NPHP1: variants seen among roughly 807,000 people sequenced by gnomAD.
NPHP1 encodes nephrocystin-1.
Under a neutral mutation model 90.4 loss-of-function variants are expected in NPHP1, and 70 were observed. The ratio of observed to expected loss-of-function variants is 0.77; its 90% CI spans 0.64 to 0.95. NPHP1 has a LOEUF of 0.95. Ranked by LOEUF, NPHP1 falls within the 40% of genes least tolerant of loss-of-function variation. NPHP1 has a pLI of 0.00. For missense variants in NPHP1, 764 were observed against 795.9 expected, an observed-to-expected ratio of 0.96 and a Z score of 0.48; for synonymous variants, 256 against 271.7, an observed-to-expected ratio of 0.94 and a Z score of 0.57.
chr2:110,157,067 G>A (rs1270656623), intron 11 of NPHP1, among the ~76,000 whole-genome samples: 3 of 151,944 alleles, frequency 2.0e-5, no homozygotes, highest in South Asian at 2.1e-4. Context: ...GAGCCACTGC[G>A]CCCAGCCCAA....
intron 2 of NPHP1, among the ~76,000 whole-genome samples, chr2:110,196,543 TAC>T (rs1559107331): frequency 6.6e-6 from 1 of 152,184 alleles, no homozygotes; most frequent in African/African-American, 2.4e-5. Context: ...AGGAAACTTT[TAC>T]ACTGTTGGTG....
intron 11 of NPHP1, among the ~76,000 whole-genome samples, chr2:110,157,603 C>T (rs1158928725): frequency 1.3e-5 from 2 of 152,064 alleles, no homozygotes; most frequent in African/African-American, 2.4e-5. Flanking sequence ...CATCCAGATG[C>T]GGAAGTCAGA....
intron 4 of NPHP1, 67 bp from the exon 5 acceptor site, chr2:110,170,065 A>G: frequency 6.3e-7 from 1 of 1,586,892 alleles, no homozygotes; most frequent in East Asian, 2.2e-5. Context: ...CTATGAGTGT[A>G]ACTTCTACAT....
rs757905613 is a variant in NPHP1 at position 110,204,974 on chromosome 2, T to C, written c.-6A>G. On this transcript the variant is annotated 5_prime_UTR_variant, in exon 1 of 20. Coordinates refer to ENST00000445609, the MANE Select transcript of NPHP1 (RefSeq NM_001128178.3). ...CGCTGTCGTCTCGCCAGCATCTCCC[T>C]GGCTGCGGTGCTCTGATTGCTCCAG... The C allele has an allele frequency of 1.2e-6, 2 of 1,613,856 alleles. No homozygotes were observed. The highest frequency in any genetic ancestry group is 4.5e-5 in the East Asian group (2 of 44,862).
intron 16 of NPHP1, among the ~76,000 whole-genome samples, chr2:110,138,683 C>T (rs749670557): frequency 2.9e-4 from 44 of 151,866 alleles, no homozygotes; most frequent in Admixed American, 7.2e-4. Context: ...TCATGTTCTG[C>T]CCTTTGGTCC....
chr2:110,152,599 T>TA (rs36125105), intron 11 of NPHP1, among the ~76,000 whole-genome samples: 11,295 of 125,990 alleles, frequency 0.09, 545 homozygotes, highest in African/African-American at 0.14. Context: ...CCAGTAGGGT[T>TA]AAAAAAAAAA....
chr2:110,163,349 C>T (rs903131935), intron 8 of NPHP1: 6 of 554,950 alleles, frequency 1.1e-5, no homozygotes, highest in African/African-American at 3.8e-5. Context: ...CAGTGCCCAG[C>T]GTGCAGAGCT....
intron 11 of NPHP1, among the ~76,000 whole-genome samples, chr2:110,156,564 A>C (rs1377131003): frequency 6.6e-6 from 1 of 152,128 alleles, no homozygotes; most frequent in Non-Finnish European, 1.5e-5. Flanking sequence ...CAGTGGACTA[A>C]AGGCTTGAGG....
chr2:110,144,736 G>A (rs1218421096), intron 14 of NPHP1, among the ~76,000 whole-genome samples, 167 bp from the exon 15 acceptor site: 4 of 152,046 alleles, frequency 2.6e-5, no homozygotes, highest in Admixed American at 2.6e-4. Context: ...TACTATCTGG[G>A]CAAATAAACA....
At chr2:110,195,481 A>C (rs1685098276) in intron 2 of NPHP1, among the ~76,000 whole-genome samples, 2 of 152,148 alleles carry the variant, frequency 1.3e-5, no homozygotes. Context: ...AGAACTACAA[A>C]CCACTGCTCA....
chr2:110,142,519 A>ATT (rs1211978722), intron 16 of NPHP1, among the ~76,000 whole-genome samples: 2 of 146,122 alleles, frequency 1.4e-5, no homozygotes, highest in African/African-American at 5.0e-5. Context: ...TACCCAGCTA[A>ATT]TTTTTTTTTT....
intron 19 of NPHP1, chr2:110,124,337 C>T (rs1679202832): frequency 1.9e-6 from 1 of 523,562 alleles, no homozygotes; most frequent in South Asian, 2.1e-5. Flanking sequence ...GAGGGTGTCT[C>T]ACACATTCTG....
At chr2:110,154,201 C>T (rs369490530) in intron 11 of NPHP1, among the ~76,000 whole-genome samples, 25 of 152,166 alleles carry the variant, frequency 1.6e-4, no homozygotes, top group African/African-American at 4.6e-4. Flanking sequence ...GGGAGTTTTC[C>T]CTGCACAAGC....
chr2:110,175,917 A>C (rs1490864403), intron 4 of NPHP1, among the ~76,000 whole-genome samples: 1 of 152,038 alleles, frequency 6.6e-6, no homozygotes, highest in Non-Finnish European at 1.5e-5. Context: ...TTGTGTATCA[A>C]TTTGAAAAAC....
intron 2 of NPHP1, among the ~76,000 whole-genome samples, chr2:110,190,097 G>T (rs565646737): frequency 6.6e-6 from 1 of 152,212 alleles, no homozygotes; most frequent in African/African-American, 2.4e-5. Context: ...GCTGATTGGT[G>T]TATTTACAAT....
chr2:110,168,394 T>G, intron 6 of NPHP1, 58 bp downstream of exon 6: 1 of 1,063,836 alleles, frequency 9.4e-7, no homozygotes, highest in South Asian at 1.3e-5. Flanking sequence ...GCTAAATGTT[T>G]TATTAAAAGC....
chr2:110,169,325 G>A (rs1682948553), intron 5 of NPHP1, among the ~76,000 whole-genome samples: 2 of 152,098 alleles, frequency 1.3e-5, no homozygotes, highest in South Asian at 4.2e-4. Context: ...CATTTCTCTA[G>A]CAGAAAACAC....
chr2:110,176,129 A>G (rs879690113), intron 4 of NPHP1, among the ~76,000 whole-genome samples: 4 of 152,068 alleles, frequency 2.6e-5, no homozygotes, highest in Admixed American at 2.6e-4. Context: ...TTAACATATT[A>G]AAAATTGTTG....
intron 7 of NPHP1, 22 bp from the exon 8 acceptor site, chr2:110,164,752 G>C (rs368177424): frequency 1.9e-6 from 3 of 1,597,036 alleles, no homozygotes; most frequent in Admixed American, 1.7e-5. Context: ...AAATAGCAAA[G>C]TGAGTCAGGT....
Sources: allele counts gnomAD v4.1 joint callset (sites outside exome capture counted in the v4.1 genomes callset), GRCh38; gene constraint gnomAD v4.1.1; transcripts MANE v1.5; gene names NCBI Gene and HGNC (gene_info 2026-07-23, HGNC 2026-07-21).